The following PCDHGA4 variants were observed in gnomAD, a reference collection of about 807,000 sequenced individuals.
PCDHGA4 encodes the protein protocadherin gamma subfamily A, 4.
A neutral mutation model predicts 54.6 loss-of-function variants in PCDHGA4; 38 were observed. That is an observed-to-expected ratio of 0.70 (90% CI 0.54 to 0.91). PCDHGA4 has a LOEUF of 0.91. Ranked by LOEUF, PCDHGA4 falls within the 40% of genes least tolerant of loss-of-function variation. The probability of loss-of-function intolerance (pLI) is 0.00; values close to 1 mark genes in which losing one functional copy is unlikely to be tolerated. For synonymous variants in PCDHGA4, 511 were observed against 512.9 expected, an observed-to-expected ratio of 1.00 and a Z score of 0.05; for missense variants, 1,298 against 1,220.9, an observed-to-expected ratio of 1.06 and a Z score of -0.94.
At position 141,373,993 on chromosome 5, in the gene PCDHGA4, G is replaced by A. The variant is rs1770007177; in HGVS notation, c.2514+16372G>A. ...TCGCATCCGGTCTCTGCTTGTTGAAGGACCTTCACCGCTATTTCTGAGAAG... is the reference window on the plus strand; with the variant it reads ...TCGCATCCGGTCTCTGCTTGTTGAAAGACCTTCACCGCTATTTCTGAGAAG... On this transcript the variant is annotated intron_variant, in intron 1 of 3. Coordinates refer to ENST00000571252, the MANE Select transcript of PCDHGA4 (RefSeq NM_018917.4). 3 of 1,234,728 alleles carry A rather than the reference G, an allele frequency of 2.4e-6. No homozygotes were observed. The Admixed American group carries it at 1.0e-4, about 42-fold the overall frequency. The allele number at this position is 1,234,728 out of a possible 1,614,324, so 76.5% of individuals were successfully genotyped here. A position where few individuals can be genotyped will look rare whatever the true frequency, so the allele number is the denominator to read the frequency against.
At chr5:141,505,599 G>T in intron 3 of PCDHGA4, 118 bp downstream of exon 3, 1 of 1,555,586 alleles carries the variant, frequency 6.4e-7, no homozygotes, top group Non-Finnish European at 8.7e-7. Context: ...CAGATCTTTC[G>T]GCAGGTCTGA....
chr5:141,451,740 G>A (rs370710201), intron 1 of PCDHGA4, among the ~76,000 whole-genome samples: 1 of 152,108 alleles, frequency 6.6e-6, no homozygotes, highest in Non-Finnish European at 1.5e-5. Context: ...AAATTAGCTG[G>A]TCTGGTGGTG....
At chr5:141,424,540 T>G (rs944656560) in intron 1 of PCDHGA4, 1 of 152,244 alleles carries the variant, frequency 6.6e-6, no homozygotes, top group Admixed American at 6.5e-5. Flanking sequence ...TAGAAATAAC[T>G]TGATTTTGAT....
At chr5:141,376,675 C>CCTTTTTTTT (rs1561575046) in intron 1 of PCDHGA4, 1 of 343,980 alleles carries the variant, frequency 2.9e-6, no homozygotes. Context: ...GTGAGGGTAT[C>CCTTTTTTTT]GTTTTTTTTT....
At chr5:141,508,408 C>T (rs938019804) in intron 3 of PCDHGA4, 1 of 152,180 alleles carries the variant, frequency 6.6e-6, no homozygotes, top group Non-Finnish European at 1.5e-5. Context: ...GCTTGAGCCA[C>T]GCAGAGACTT....
chr5:141,398,975 G>A, intron 1 of PCDHGA4: 2 of 1,613,926 alleles, frequency 1.2e-6, no homozygotes, highest in Middle Eastern at 1.6e-4. Context: ...TCCTTCTACA[G>A]AACCGGGCAA....
Position 141,493,360 on chromosome 5 carries a change from G to T in PCDHGA4, c.2515-1447G>T, listed in dbSNP as rs1364095483. Reference sequence around the variant, plus strand: ...CAGAATGTGTGCTTTTAATTTCTTGGCACTTGGAACTTTAAAAGCTTGAGG... The same window carrying T: ...CAGAATGTGTGCTTTTAATTTCTTGTCACTTGGAACTTTAAAAGCTTGAGG... On this transcript the variant is annotated intron_variant, in intron 1 of 3. Transcript: ENST00000571252. This position sits in a 1 kb window ranked among gnomAD's most constrained non-coding sequence, Gnocchi z 4.3. Among the ~76,000 whole-genome samples the T allele has an allele frequency of 6.6e-6, 1 of 152,144 alleles. No individual in the cohort carries two copies. The highest frequency in any genetic ancestry group is 1.5e-5 in the Non-Finnish European group (1 of 68,022).
intron 1 of PCDHGA4, chr5:141,426,791 C>T (rs2096960403): frequency 2.2e-6 from 1 of 456,574 alleles, no homozygotes; most frequent in Non-Finnish European, 4.4e-6. Context: ...TCCAGAGTTA[C>T]CAGCTCAGTT....
rs767337670 is a variant in PCDHGA4 at position 141,433,083 on chromosome 5, A to G, written c.2515-61724A>G. 8.1e-6 allele frequency: 13 copies of G among 1,614,174 alleles called. 1 individual carries two copies. Among genetic ancestry groups the G allele is most frequent in the Non-Finnish European group, 9.3e-6 (11 of 1,180,024 alleles). ...CACCTGATCTTCCCCCAGCCCAACT[A>G]TGCAGACATGCTCGTCAGCCAGGAG... On this transcript the variant is annotated intron_variant, in intron 1 of 3. Coordinates refer to ENST00000571252, the MANE Select transcript of PCDHGA4 (RefSeq NM_018917.4).
At chr5:141,456,215 C>T (rs1465130067) in intron 1 of PCDHGA4, among the ~76,000 whole-genome samples, 2 of 152,048 alleles carry the variant, frequency 1.3e-5, no homozygotes, top group African/African-American at 2.4e-5. Flanking sequence ...CTCCCTGTGG[C>T]GATATCAAAC....
intron 1 of PCDHGA4, chr5:141,375,178 A>G: frequency 6.2e-7 from 1 of 1,613,980 alleles, no homozygotes; most frequent in Non-Finnish European, 8.5e-7. Context: ...CAGGAACAGT[A>G]ATCGCCCTTT....
chr5:141,476,509 C>G lies in PCDHGA4; in HGVS notation c.2515-18298C>G. 6.2e-7 allele frequency: 1 copy of G among 1,614,144 alleles called. No individual in the cohort carries two copies. Among genetic ancestry groups the G allele is most frequent in the Non-Finnish European group, 8.5e-7 (1 of 1,180,022 alleles). ...TGGTGATCCAGGACATCAACGACAACAATCCTGCTTTCCCTACCCAGGAAA... is the reference window on the plus strand; with the variant it reads ...TGGTGATCCAGGACATCAACGACAAGAATCCTGCTTTCCCTACCCAGGAAA... On this transcript the variant is annotated intron_variant, in intron 1 of 3. Transcript: ENST00000571252. This position sits in a 1 kb window ranked among gnomAD's most constrained non-coding sequence, Gnocchi z 7.6.
rs1224515106 is a variant in PCDHGA4 at position 141,491,453 on chromosome 5, C to T, written c.2515-3354C>T. On this transcript the variant is annotated intron_variant, in intron 1 of 3. Transcript: ENST00000571252. The surrounding 1 kb of genome is among the most constrained non-coding windows in gnomAD (Gnocchi z 6.9). ...TGCTGCAGGCGCCAGGACTCACCCT[C>T]CCCGGACTTCTATAAGCAGTCCAGC... The T allele has an allele frequency of 6.2e-6, 10 of 1,614,120 alleles. No homozygotes were observed. The highest frequency in any genetic ancestry group is 8.5e-6 in the Non-Finnish European group (10 of 1,180,028).
In PCDHGA4 at chr5:141,364,349, G is replaced by A. The variant is rs758855393; in HGVS notation, c.2514+6728G>A. The A allele has an allele frequency of 2.6e-5, 40 of 1,549,338 alleles. No homozygotes were observed. Among genetic ancestry groups the A allele is most frequent in the Non-Finnish European group, 3.1e-5 (36 of 1,150,712 alleles). On this transcript the variant is annotated intron_variant, in intron 1 of 3. Coordinates refer to ENST00000571252, the MANE Select transcript of PCDHGA4 (RefSeq NM_018917.4). ...GAAGGCAATGGCGAGTCCACCTAGG[G>A]GCTGGGGCTGCGGAGAGCTGCTGCT...
intron 1 of PCDHGA4, chr5:141,405,386 T>C (rs2094651618): frequency 6.9e-6 from 11 of 1,595,500 alleles, no homozygotes; most frequent in Non-Finnish European, 7.7e-6. Flanking sequence ...GGTGAGTTCA[T>C]TTTTTTTCTT....
At position 141,431,317 on chromosome 5, in the gene PCDHGA4, C is replaced by T. The variant is rs778667104; in HGVS notation, c.2515-63490C>T. ...TCTCCCTCATCGTGCAAAATGGAGC[C>T]GACGGTAGTAAGTACCCCGAATTGG... On this transcript the variant is annotated intron_variant, in intron 1 of 3. Coordinates refer to ENST00000571252, the MANE Select transcript of PCDHGA4 (RefSeq NM_018917.4). This position sits in a 1 kb window ranked among gnomAD's most constrained non-coding sequence, Gnocchi z 4.8. The T allele has an allele frequency of 6.2e-6, 10 of 1,613,964 alleles. No homozygotes were observed. The highest frequency in any genetic ancestry group is 7.6e-6 in the Non-Finnish European group (9 of 1,180,046).
Position 141,436,609 on chromosome 5 carries a change from A to G in PCDHGA4, c.2515-58198A>G, listed in dbSNP as rs182981534. On this transcript the variant is annotated intron_variant, in intron 1 of 3. Coordinates refer to ENST00000571252, the MANE Select transcript of PCDHGA4 (RefSeq NM_018917.4). ...AAAGGTCGTGGTGATGGCTAGGGCT[A>G]ACAAAAATCTGATTCACAACATGCA... Among the ~76,000 whole-genome samples, 5 of 152,334 alleles carry G rather than the reference A, an allele frequency of 3.3e-5. No homozygotes were observed. The East Asian group carries it at 5.8e-4, about 18-fold the overall frequency.
At chr5:141,360,154 A>G (rs1287127604) in intron 1 of PCDHGA4, 1 of 1,603,902 alleles carries the variant, frequency 6.2e-7, no homozygotes, top group South Asian at 1.1e-5. Flanking sequence ...GAGCTCAGGG[A>G]GGTGCGGGCT....
Position 141,376,684 on chromosome 5 carries a change from T to G in PCDHGA4, c.2514+19063T>G, listed in dbSNP as rs574993154. 1.2e-3 allele frequency: 1,011 copies of G among 809,238 alleles called. 6 individuals carry two copies. Among genetic ancestry groups the G allele is most frequent in the Non-Finnish European group, 1.3e-3 (680 of 543,972 alleles). The allele number at this position is 809,238 out of a possible 1,614,324, so 50.1% of individuals were successfully genotyped here. On this transcript the variant is annotated intron_variant, in intron 1 of 3. Coordinates refer to ENST00000571252, the MANE Select transcript of PCDHGA4 (RefSeq NM_018917.4). ...GTTCAGGTGAGGGTATCGTTTTTTT[T>G]TTTTTTTTTTTTTGAGACGGAGTCT...
Sources: allele counts gnomAD v4.1 joint callset (sites outside exome capture counted in the v4.1 genomes callset), GRCh38; gene constraint gnomAD v4.1.1; non-coding constraint Gnocchi (gnomAD v3.1); transcripts MANE v1.5; gene names NCBI Gene and HGNC (gene_info 2026-07-23, HGNC 2026-07-21).